CRYM: variants seen among roughly 807,000 people sequenced by gnomAD.
The protein encoded by CRYM is crystallin mu.
A neutral mutation model predicts 32.9 loss-of-function variants in CRYM; 18 were observed. The ratio of observed to expected loss-of-function variants is 0.55; its 90% CI spans 0.38 to 0.81. The LOEUF (loss-of-function observed/expected upper bound fraction) is 0.81, where lower values mean the gene tolerates loss of function less well. Ranked by LOEUF, CRYM falls within the 30% of genes least tolerant of loss-of-function variation. The pLI, the probability that CRYM is intolerant of heterozygous loss-of-function variation, is 0.00. For synonymous variants in CRYM, 153 were observed against 152.4 expected (o/e 1.00, Z -0.03); for missense variants, 337 against 393.5 (o/e 0.86, Z 1.21).
At chr16:21,261,932 G>T in intron 6 of CRYM, 105 bp downstream of exon 6, 1 of 1,414,560 alleles carries the variant, frequency 7.1e-7, no homozygotes, top group Non-Finnish European at 9.9e-7. Flanking sequence ...AGGTGGGGTG[G>T]CTGAGGTCTG....
At chr16:21,286,792 G>A (rs948659888) in intron 1 of CRYM, among the ~76,000 whole-genome samples, 1 of 151,958 alleles carries the variant, frequency 6.6e-6, no homozygotes, top group African/African-American at 2.4e-5. Flanking sequence ...GTTCCTTTTG[G>A]AAGATACTTA....
chr16:21,280,148 A>C (rs887954265), upstream of CRYM, among the ~76,000 whole-genome samples: 3 of 152,072 alleles, frequency 2.0e-5, no homozygotes, highest in Admixed American at 2.0e-4. Context: ...GGGAGGCCCA[A>C]GTGGGTGGAT....
chr16:21,262,435 T>C (rs1457002750), intron 5 of CRYM: 4 of 380,370 alleles, frequency 1.1e-5, no homozygotes, highest in African/African-American at 6.3e-5. Flanking sequence ...CTGGCCAACA[T>C]GGTGAAACCC....
At chr16:21,289,927 G>A (rs1315566002) in intron 1 of CRYM, among the ~76,000 whole-genome samples, 1 of 151,930 alleles carries the variant, frequency 6.6e-6, no homozygotes, top group African/African-American at 2.4e-5. Flanking sequence ...ACACCAATCA[G>A]CACTCTGTAA....
chr16:21,286,384 A>C (rs910992573), intron 1 of CRYM, among the ~76,000 whole-genome samples: 1 of 140,186 alleles, frequency 7.1e-6, no homozygotes, highest in Admixed American at 7.2e-5. Context: ...CGCCCAGCTA[A>C]TTTTTTTTTT....
chr16:21,278,924 G>A (rs1052989687), upstream of CRYM: 3 of 152,178 alleles, frequency 2.0e-5, no homozygotes, highest in African/African-American at 7.2e-5. Context: ...CTCACAAAAA[G>A]CCAAATTGCA....
intron 3 of CRYM, among the ~76,000 whole-genome samples, chr16:21,270,511 T>C (rs1797688591): frequency 6.6e-6 from 1 of 152,194 alleles, no homozygotes; most frequent in Non-Finnish European, 1.5e-5. Context: ...CTCAAACTCC[T>C]GACCTCAGGT....
chr16:21,276,605 T>TG (rs1567235397), intron 2 of CRYM, among the ~76,000 whole-genome samples: 1 of 151,962 alleles, frequency 6.6e-6, no homozygotes, highest in Non-Finnish European at 1.5e-5. Flanking sequence ...CAACAGAAAT[T>TG]GGGGGGAAGG....
chr16:21,290,587 T>G (rs559268707), intron 1 of CRYM, among the ~76,000 whole-genome samples: 1 of 152,236 alleles, frequency 6.6e-6, no homozygotes, highest in Non-Finnish European at 1.5e-5. Context: ...CTTACAAATA[T>G]GCTTTTTGCT....
At chr16:21,270,311 TCTCG>T (rs2093372670) in intron 3 of CRYM, among the ~76,000 whole-genome samples, 1 of 151,850 alleles carries the variant, frequency 6.6e-6, no homozygotes, top group African/African-American at 2.4e-5. Flanking sequence ...TGAGATGGAG[TCTCG>T]CTCTGTCGCC....
chr16:21,261,390 G>T, intron 6 of CRYM, 52 bp from the exon 7 acceptor site: 3 of 1,487,968 alleles, frequency 2.0e-6, no homozygotes, highest in Non-Finnish European at 2.8e-6. Context: ...TCTGTGCAGG[G>T]TTGGCTTTTG....
intron 2 of CRYM, among the ~76,000 whole-genome samples, chr16:21,275,852 G>A (rs1170678283): frequency 1.3e-5 from 2 of 152,164 alleles, no homozygotes; most frequent in Admixed American, 1.3e-4. Context: ...AGGATTAAAT[G>A]CACTGGCATA....
chr16:21,291,494 A>G (rs1960654957), intron 1 of CRYM, among the ~76,000 whole-genome samples: 1 of 152,166 alleles, frequency 6.6e-6, no homozygotes, highest in African/African-American at 2.4e-5. Context: ...CACAATGTAA[A>G]AACTTGCTCA....
In CRYM at chr16:21,258,646, C is replaced by G. The variant is rs1383096747; in HGVS notation, c.*135G>C. 5.0e-6 allele frequency: 4 copies of G among 798,484 alleles called. No homozygotes were observed. Among genetic ancestry groups the G allele is most frequent in the Non-Finnish European group, 8.7e-6 (4 of 462,226 alleles). The allele number at this position is 798,484 out of a possible 1,614,324, so 49.5% of individuals were successfully genotyped here. On this transcript the variant is annotated 3_prime_UTR_variant, in exon 8 of 8. Coordinates refer to ENST00000572914, the MANE Select transcript of CRYM (RefSeq NM_001376256.1). ...CAACTACAAACATAAATGAGGATCTCAGCATTTAAGGTAAAACATGATAAG... is the reference window on the plus strand; with the variant it reads ...CAACTACAAACATAAATGAGGATCTGAGCATTTAAGGTAAAACATGATAAG...
chr16:21,278,148 GAGA>G lies in CRYM; in HGVS notation c.101_103del (p.Phe34del), dbSNP rs1218432094. On this transcript the variant is annotated inframe_deletion, in exon 1 of 8. Coordinates refer to ENST00000572914, the MANE Select transcript of CRYM (RefSeq NM_001376256.1). Reference sequence around the variant, plus strand: ...CATGACCCCTCCTTCGGGACCGCTGGAGAAGTTGGCCAGGGCCGTCTCTAGAGG... The same window carrying G: ...CATGACCCCTCCTTCGGGACCGCTGGAGTTGGCCAGGGCCGTCTCTAGAGG... 1 of 1,551,968 alleles carries G rather than the reference GAGA, an allele frequency of 6.4e-7. No homozygotes were observed. The highest frequency in any genetic ancestry group is 8.7e-7 in the Non-Finnish European group (1 of 1,148,086).
chr16:21,261,416 A>G, intron 6 of CRYM, 78 bp from the exon 7 acceptor site: 10 of 924,166 alleles, frequency 1.1e-5, no homozygotes, highest in Non-Finnish European at 1.8e-5. Context: ...AGCCCAGGGA[A>G]TTCCTGAATT....
Position 21,278,066 on chromosome 16 carries a change from G to T in CRYM, c.170+16C>A, listed in dbSNP as rs767542425. 11 of 1,538,494 alleles carry T rather than the reference G, an allele frequency of 7.1e-6. No individual in the cohort carries two copies. In the South Asian group the frequency reaches 1.1e-4, roughly 15 times the overall value. On this transcript the variant is annotated intron_variant, in intron 1 of 7. Coordinates refer to ENST00000572914, the MANE Select transcript of CRYM (RefSeq NM_001376256.1). The stretch of plus-strand genomic sequence containing the variant: ...TCCAGTTTCTCCTGCCCCTGACCCC[G>T]ACCCTCCTCACTCACCCCCTGTGCT...
rs1030209053 is a variant in CRYM at position 21,277,569 on chromosome 16, C to A, written c.186G>T (p.Met62Ile). 1.2e-6 allele frequency: 2 copies of A among 1,613,878 alleles called. No individual in the cohort carries two copies. Among genetic ancestry groups the A allele is most frequent in the Non-Finnish European group, 1.7e-6 (2 of 1,180,004 alleles). Residue 62 changes from methionine (M) to isoleucine (I), a missense_variant, in exon 2 of 8, where the codon ATG becomes ATT. Physicochemically the swap from Met to Ile is conservative, Grantham distance 10 (BLOSUM62 1). Transcript: ENST00000572914. The surrounding 1 kb of genome is among the most constrained non-coding windows in gnomAD (Gnocchi z 4.2). ...CATCCTCTGCAGCACTGTAGGCGGG[C>A]ATGACCCCCAGGTAGCTACAAGGAG... ...VTKHRGYLGVMPAYSAAEDAL... is the reference protein window; with the variant it reads ...VTKHRGYLGVIPAYSAAEDAL...
chr16:21,296,985 G>A (rs1960802208), intron 1 of CRYM, among the ~76,000 whole-genome samples: 1 of 152,136 alleles, frequency 6.6e-6, no homozygotes, highest in African/African-American at 2.4e-5. Flanking sequence ...TCCAGCCTGG[G>A]CGACAGAGCA....
Sources: gnomAD v4.1 joint callset for allele counts (sites outside exome capture counted in the v4.1 genomes callset) on GRCh38, gnomAD v4.1.1 for gene constraint, Gnocchi (gnomAD v3.1) non-coding constraint, MANE v1.5 for transcripts, NCBI Gene and HGNC (gene_info 2026-07-23, HGNC 2026-07-21) for gene names.